The following HNF4A variants were observed in gnomAD, a reference collection of about 807,000 sequenced individuals.
HNF4A encodes hepatocyte nuclear factor 4 alpha.
Under a neutral mutation model 52.4 loss-of-function variants are expected in HNF4A, and 15 were observed. The ratio of observed to expected loss-of-function variants is 0.29; its 90% confidence interval spans 0.19 to 0.44. The LOEUF is 0.44. HNF4A is among the 20% of genes least tolerant of loss of function. HNF4A has a pLI of 1.00. For synonymous variants in HNF4A, 280 were observed against 264.4 expected (o/e 1.06, Z -0.57); for missense variants, 479 against 647.2 (o/e 0.74, Z 2.82).
At chr20:44,422,402 CAT>C (rs1231491428) in intron 7 of HNF4A, among the ~76,000 whole-genome samples, 2 of 152,142 alleles carry the variant, frequency 1.3e-5, no homozygotes, top group African/African-American at 4.8e-5. Flanking sequence ...GCTCAATAAA[CAT>C]GTGTGGCCTG....
intron 7 of HNF4A, among the ~76,000 whole-genome samples, chr20:44,421,191 T>C (rs1357856849): frequency 6.6e-6 from 1 of 152,190 alleles, no homozygotes; most frequent in East Asian, 1.9e-4. Flanking sequence ...CTCCCAACCC[T>C]TCACATTGCA....
intron 2 of HNF4A, 130 bp from the exon 3 acceptor site, chr20:44,407,251 G>C (rs2063514171): frequency 2.7e-6 from 2 of 746,398 alleles, no homozygotes; most frequent in Non-Finnish European, 4.8e-6. Context: ...GTGGGTTCAA[G>C]AGAGAACTCC....
chr20:44,418,361 G>T, intron 5 of HNF4A, 64 bp from the exon 6 acceptor site: 1 of 1,327,844 alleles, frequency 7.5e-7, no homozygotes, highest in South Asian at 1.2e-5. Context: ...CAGCGTCACT[G>T]AGTTGGCTAC....
Position 44,429,793 on chromosome 20 carries a change from T to A in HNF4A, c.*128T>A. The A allele has an allele frequency of 1.0e-6, 1 of 985,642 alleles. No individual in the cohort carries two copies. The highest frequency in any genetic ancestry group is 1.5e-6 in the Non-Finnish European group (1 of 645,394). The allele number at this position is 985,642 out of a possible 1,614,324, so 61.1% of individuals were successfully genotyped here. Reference sequence around the variant, plus strand: ...AGTCCCAGAGCAGGAATGGGAAGGATGAAGGGCCCGAGAACATGGCCTAAG... The same window carrying A: ...AGTCCCAGAGCAGGAATGGGAAGGAAGAAGGGCCCGAGAACATGGCCTAAG... On this transcript the variant is annotated 3_prime_UTR_variant, in exon 10 of 10. Coordinates refer to ENST00000316099, the MANE Select transcript of HNF4A (RefSeq NM_000457.6).
intron 5 of HNF4A, 119 bp downstream of exon 5, chr20:44,414,781 T>C: frequency 1.1e-6 from 1 of 945,156 alleles, no homozygotes; most frequent in Non-Finnish European, 1.6e-6. Context: ...TAACAAAATA[T>C]GTAGTGCACA....
intron 1 of HNF4A, among the ~76,000 whole-genome samples, chr20:44,385,748 C>T (rs939523046): frequency 2.0e-5 from 3 of 152,260 alleles, no homozygotes; most frequent in African/African-American, 7.2e-5. Context: ...GGATTACAGG[C>T]ATGAGCCACC....
At chr20:44,424,669 A>G (rs983162002) in intron 8 of HNF4A, 3 of 1,267,878 alleles carry the variant, frequency 2.4e-6, no homozygotes, top group African/African-American at 3.0e-5. Context: ...AATCCTCTTT[A>G]GATAGGGGAG....
At position 44,394,248 on chromosome 20, in the gene HNF4A, C is replaced by T. The variant is rs2063332244; in HGVS notation, c.50-11810C>T. On this transcript the variant is annotated intron_variant, in intron 1 of 9. Coordinates refer to the HNF4A transcript ENST00000316673. ...AGACATTGCCCGGGTCCACAGAGAGCCCACCATTCATTCCCATGCTGGCTG... is the reference window on the plus strand; with the variant it reads ...AGACATTGCCCGGGTCCACAGAGAGTCCACCATTCATTCCCATGCTGGCTG... Among the ~76,000 whole-genome samples the T allele has an allele frequency of 2.0e-5, 3 of 152,268 alleles. No homozygotes were observed. In the South Asian group the frequency reaches 6.2e-4, roughly 32 times the overall value.
Position 44,429,579 on chromosome 20 carries a change from A to G in HNF4A, c.1339A>G (p.Lys447Glu). The change falls in exon 10 of 10, where the codon AAG (lysine) becomes GAG (glutamate). Residue 447 changes from lysine (K) to glutamate (E), a missense_variant. Coordinates refer to ENST00000316099, the MANE Select transcript of HNF4A (RefSeq NM_000457.6). ...AGGTGGCTCAGGGTCTGAGCCCTAT[A>G]AGCTCCTGCCGGGAGCCGTCGCCAC... 6.2e-7 allele frequency: 1 copy of G among 1,613,790 alleles called. No homozygotes were observed. The highest frequency in any genetic ancestry group is 1.1e-5 in the South Asian group (1 of 91,060).
intron 8 of HNF4A, among the ~76,000 whole-genome samples, chr20:44,424,986 T>G (rs1014643195): frequency 6.6e-6 from 1 of 152,198 alleles, no homozygotes; most frequent in Non-Finnish European, 1.5e-5. Flanking sequence ...CCAGACTAAG[T>G]ATTTTTATTC....
In HNF4A at chr20:44,414,668, G is replaced by T; in HGVS notation, c.648+6G>T. ...AGCTCCCCCTGGACGACCAGGTGAG[G>T]ATGGGCGTGGATGGTGGGCAGTAGT... On this transcript the variant is annotated splice_donor_region_variant and intron_variant, in intron 5 of 9. Transcript: ENST00000316099. 1 of 1,592,370 alleles carries T rather than the reference G, an allele frequency of 6.3e-7. No homozygotes were observed. The highest frequency in any genetic ancestry group is 8.6e-7 in the Non-Finnish European group (1 of 1,169,048).
Position 44,417,538 on chromosome 20 carries a change from C to T in HNF4A, c.649-887C>T, listed in dbSNP as rs148647249. On this transcript the variant is annotated intron_variant, in intron 5 of 9. Transcript: ENST00000316099. ...TCAGAATCCTGGAGTCCTGCAATGT[C>T]GATCCCTGGAGGGATCTGCCAGACC... Among the ~76,000 whole-genome samples the T allele has an allele frequency of 4.1e-3, 626 of 152,244 alleles. 3 individuals are homozygous for T. The highest frequency in any genetic ancestry group is 0.018 in the East Asian group (91 of 5,182).
chr20:44,400,753 G>A (rs1467620510), upstream of HNF4A, among the ~76,000 whole-genome samples: 1 of 152,180 alleles, frequency 6.6e-6, no homozygotes, highest in Non-Finnish European at 1.5e-5. Context: ...GAAACTGCGG[G>A]GGAACTGGAA....
chr20:44,401,297 GGGAGGGC>G lies in HNF4A; in HGVS notation c.-66_-60del, dbSNP rs555295035. 1.0e-3 allele frequency: 1,625 copies of G among 1,608,084 alleles called. 8 individuals carry two copies. Among genetic ancestry groups the G allele is most frequent in the Non-Finnish European group, 4.1e-4 (480 of 1,178,674 alleles). ...AGAGAGGGCACTGGGAGGAGGCAGTGGGAGGGCGGAGGGCGGGGGCCTTCGGGGTGGG... is the reference window on the plus strand; with the variant it reads ...AGAGAGGGCACTGGGAGGAGGCAGTGGGAGGGCGGGGGCCTTCGGGGTGGG... On this transcript the variant is annotated 5_prime_UTR_variant, in exon 1 of 10. Coordinates refer to ENST00000316099, the MANE Select transcript of HNF4A (RefSeq NM_000457.6).
intron 3 of HNF4A, among the ~76,000 whole-genome samples, chr20:44,410,814 G>A (rs1365647963): frequency 1.3e-5 from 2 of 152,070 alleles, no homozygotes; most frequent in African/African-American, 2.4e-5. Flanking sequence ...GAGCTGAGCA[G>A]ACACCAAGCT....
chr20:44,413,289 C>G (rs1024448482), intron 3 of HNF4A, among the ~76,000 whole-genome samples: 10 of 152,194 alleles, frequency 6.6e-5, no homozygotes, highest in African/African-American at 1.9e-4. Context: ...AGGCCATCTC[C>G]TTGTCACCCA....
At chr20:44,401,012 C>T (rs1319312959), upstream of HNF4A, among the ~76,000 whole-genome samples, 2 of 151,884 alleles carry the variant, frequency 1.3e-5, no homozygotes, top group Admixed American at 6.6e-5. Context: ...AATGAGTGCC[C>T]GTGAGTCATG....
chr20:44,378,443 T>C (rs1247101574), intron 1 of HNF4A, among the ~76,000 whole-genome samples: 1 of 151,988 alleles, frequency 6.6e-6, no homozygotes, highest in Non-Finnish European at 1.5e-5. Flanking sequence ...GATTTTTGTA[T>C]TTTTAGTAGA....
At chr20:44,375,935 C>A (rs2063080171) in intron 1 of HNF4A, among the ~76,000 whole-genome samples, 1 of 152,074 alleles carries the variant, frequency 6.6e-6, no homozygotes, top group Non-Finnish European at 1.5e-5. Context: ...TAGATATACT[C>A]CTAGTTGCTT....
Sources: allele counts gnomAD v4.1 joint callset (sites outside exome capture counted in the v4.1 genomes callset), GRCh38; gene constraint gnomAD v4.1.1; transcripts MANE v1.5; gene names NCBI Gene and HGNC (gene_info 2026-07-23, HGNC 2026-07-21).